The following RTKN2 variants were observed in gnomAD, a reference collection of about 807,000 sequenced individuals.
RTKN2 encodes the protein rhotekin 2.
Under a neutral mutation model 71.5 loss-of-function variants are expected in RTKN2, and 69 were observed. That is an observed-to-expected ratio of 0.96 (90% CI 0.79 to 1.18). The LOEUF is 1.18. Ranked by LOEUF, RTKN2 falls within the 50% of genes most tolerant of loss-of-function variation. RTKN2 has a pLI of 0.00. For missense variants in RTKN2, 724 were observed against 719.7 expected (o/e 1.01, Z -0.07); for synonymous variants, 236 against 236.5 (o/e 1.00, Z 0.02).
intron 1 of RTKN2, among the ~76,000 whole-genome samples, chr10:62,266,146 T>A (rs1280865790): frequency 6.6e-6 from 1 of 152,252 alleles, no homozygotes; most frequent in East Asian, 1.9e-4. Context: ...GTAGTTAAAG[T>A]CAGGCTGATA....
Position 62,244,665 on chromosome 10 carries a change from A to G in RTKN2, c.316+1334T>C, listed in dbSNP as rs145233713. 3.5e-3 allele frequency among the ~76,000 whole-genome samples: 533 copies of G among 152,296 alleles called. 2 individuals are homozygous for G. Among genetic ancestry groups the G allele is most frequent in the African/African-American group, 0.011 (450 of 41,572 alleles). On this transcript the variant is annotated intron_variant, in intron 3 of 11. Transcript: ENST00000373789. The stretch of plus-strand genomic sequence containing the variant: ...TATTCACAAAAAATTTATTGCACAT[A>G]ATGAACAATACCACATAAAAATACA...
intron 2 of RTKN2, among the ~76,000 whole-genome samples, chr10:62,254,788 A>T (rs900814542): frequency 1.3e-5 from 2 of 152,024 alleles, no homozygotes; most frequent in Non-Finnish European, 2.9e-5. Flanking sequence ...AAATAAAAAA[A>T]TAAGCAAGCT....
intron 3 of RTKN2, among the ~76,000 whole-genome samples, chr10:62,241,784 C>T (rs560362894): frequency 9.7e-4 from 148 of 152,186 alleles, no homozygotes; most frequent in African/African-American, 3.1e-3. Flanking sequence ...CTGCAACCTC[C>T]GCCTCCTGGG....
At chr10:62,184,295 A>G (rs1223541257) in exon 9 of RTKN2, 13 of 1,432,122 alleles carry the variant, frequency 9.1e-6, no homozygotes, top group Non-Finnish European at 1.0e-5. Context: ...AATTTTTCAC[A>G]CTGGTTCTAA....
intron 2 of RTKN2, among the ~76,000 whole-genome samples, chr10:62,255,899 C>T (rs1842665504): frequency 6.6e-6 from 1 of 152,288 alleles, no homozygotes; most frequent in Admixed American, 6.5e-5. Flanking sequence ...AGCCTTTAGA[C>T]TCAATGTCCA....
downstream of RTKN2, among the ~76,000 whole-genome samples, chr10:62,191,456 C>T (rs539387691): frequency 1.3e-5 from 2 of 152,254 alleles, no homozygotes; most frequent in East Asian, 1.9e-4. Flanking sequence ...TAACTCAATC[C>T]GTCACAGATC....
At position 62,196,815 on chromosome 10, in the gene RTKN2, G is replaced by A. The variant is rs2132784899; in HGVS notation, c.*1093C>T. The A allele has an allele frequency of 6.2e-6, 6 of 974,396 alleles. No homozygotes were observed. The highest frequency in any genetic ancestry group is 7.3e-6 in the Non-Finnish European group (6 of 820,010). 60.4% of individuals were successfully genotyped at this position (974,396 alleles called of 1,614,324 possible). A position where few individuals can be genotyped will look rare whatever the true frequency, so the allele number is the denominator to read the frequency against. On this transcript the variant is annotated 3_prime_UTR_variant, in exon 12 of 12. Transcript: ENST00000373789. ...TACAAAAAGCATTATTATAAAAAAT[G>A]GATTTTTTGTTCCTTTAAGGTATTT...
In RTKN2 at chr10:62,197,701, G is replaced by A; in HGVS notation, c.*207C>T. On this transcript the variant is annotated 3_prime_UTR_variant, in exon 12 of 12. Coordinates refer to ENST00000373789, the MANE Select transcript of RTKN2 (RefSeq NM_145307.4). ...GTCTAGAAACTGCCTCTTGCACACT[G>A]CTGGAGAAATCACTTACATTCTGCA... 1.4e-6 allele frequency: 2 copies of A among 1,393,144 alleles called. No individual in the cohort carries two copies. The highest frequency in any genetic ancestry group is 9.3e-7 in the Non-Finnish European group (1 of 1,079,194). The allele number at this position is 1,393,144 out of a possible 1,614,324, so 86.3% of individuals were successfully genotyped here. A position where few individuals can be genotyped will look rare whatever the true frequency, so the allele number is the denominator to read the frequency against.
rs1841329406 is a variant in RTKN2 at position 62,196,256 on chromosome 10, C to T, written c.*1652G>A. ...CAATCATAACAGAAACTTATGAGAGCCTTCTAGTTAGAAAAAATAAGTTTA... is the reference window on the plus strand; with the variant it reads ...CAATCATAACAGAAACTTATGAGAGTCTTCTAGTTAGAAAAAATAAGTTTA... On this transcript the variant is annotated 3_prime_UTR_variant, in exon 12 of 12. Transcript: ENST00000373789. 3.1e-6 allele frequency: 3 copies of T among 973,092 alleles called. No individual in the cohort carries two copies. Among genetic ancestry groups the T allele is most frequent in the Non-Finnish European group, 3.7e-6 (3 of 818,836 alleles). 60.3% of individuals were successfully genotyped at this position (973,092 alleles called of 1,614,324 possible).
chr10:62,223,208 T>C (rs757854213), intron 7 of RTKN2, 30 bp downstream of exon 7: 11 of 1,246,382 alleles, frequency 8.8e-6, no homozygotes, highest in South Asian at 6.3e-5. Flanking sequence ...ACAGAATATA[T>C]GTAATAAGTA....
rs113810351 is a variant in RTKN2, at chr10:62,215,084, A to T, written c.1020+2034T>A. On this transcript the variant is annotated intron_variant, in intron 9 of 11. Coordinates refer to ENST00000373789, the MANE Select transcript of RTKN2 (RefSeq NM_145307.4). ...TCCTTCGAGACTGTCTTCAAATAAA[A>T]CTAATGACTTCAAAAATATCATTTG... 6,748 of 1,505,848 alleles carry T rather than the reference A, an allele frequency of 4.5e-3. 19 individuals carry two copies. Among genetic ancestry groups the T allele is most frequent in the Non-Finnish European group, 5.6e-3 (6,194 of 1,111,414 alleles). 93.3% of individuals were successfully genotyped at this position (1,505,848 alleles called of 1,614,324 possible). A position where few individuals can be genotyped will look rare whatever the true frequency, so the allele number is the denominator to read the frequency against.
At chr10:62,263,385 G>A (rs1463370193) in intron 1 of RTKN2, among the ~76,000 whole-genome samples, 1 of 152,312 alleles carries the variant, frequency 6.6e-6, no homozygotes, top group African/African-American at 2.4e-5. Context: ...CCTAGGGCCT[G>A]CAGAGGAGCA....
chr10:62,241,190 G>T lies in RTKN2; in HGVS notation c.322C>A (p.Arg108=). ...CKGKIAISDI[R]IPLMWKDSDH... is the part of the protein sequence containing the mutation. ...GAGTCTTTCCACATTAGTGGTATTC[G>T]AATATCTATAAAGAAGGGAAAAAGA... Residue 108 remains arginine (R), a synonymous_variant, in exon 4 of 12, where the codon CGA becomes AGA. Coordinates refer to ENST00000373789, the MANE Select transcript of RTKN2 (RefSeq NM_145307.4). The T allele has an allele frequency of 6.4e-7, 1 of 1,558,976 alleles. No homozygotes were observed. The highest frequency in any genetic ancestry group is 8.8e-7 in the Non-Finnish European group (1 of 1,138,672).
chr10:62,235,686 G>GTGTGTGTGTGTGTGTGTA (rs35595937), intron 6 of RTKN2, among the ~76,000 whole-genome samples: 51 of 150,968 alleles, frequency 3.4e-4, no homozygotes, highest in African/African-American at 1.2e-3. Context: ...GTGTGTGTGT[G>GTGTGTGTGTGTGTGTGTA]TGTATACATG....
intron 3 of RTKN2, among the ~76,000 whole-genome samples, chr10:62,242,013 CTTT>C (rs34782333): frequency 0.015 from 1,954 of 132,936 alleles, 52 homozygotes; most frequent in African/African-American, 0.049. Context: ...AATTATTATA[CTTT>C]TTTTTTTTTT....
At chr10:62,267,420 A>G (rs1842886279) in intron 1 of RTKN2, among the ~76,000 whole-genome samples, 1 of 152,206 alleles carries the variant, frequency 6.6e-6, no homozygotes, top group Admixed American at 6.5e-5. Flanking sequence ...TAGAATGGCA[A>G]TTCACTATAA....
In RTKN2 at chr10:62,262,624, C is replaced by A; in HGVS notation, c.257+1G>T. 6.3e-7 allele frequency: 1 copy of A among 1,591,508 alleles called. No homozygotes were observed. Among genetic ancestry groups the A allele is most frequent in the Non-Finnish European group, 8.6e-7 (1 of 1,164,538 alleles). ...AGCCACAGGTAAACTATGTTACTAA[C>A]CATCTTCCAGTCTGATTTGCAATCT... is the stretch of plus-strand genomic sequence containing the variant. On this transcript the variant is annotated splice_donor_variant, in intron 2 of 11. Coordinates refer to ENST00000373789, the MANE Select transcript of RTKN2 (RefSeq NM_145307.4). LOFTEE classifies it high-confidence loss of function.
intron 6 of RTKN2, among the ~76,000 whole-genome samples, chr10:62,228,653 G>T (rs751669887): frequency 1.3e-5 from 2 of 152,180 alleles, no homozygotes; most frequent in Non-Finnish European, 2.9e-5. Flanking sequence ...CCGTACTAAA[G>T]TTGGTGATGT....
In RTKN2 at chr10:62,197,667, TAGGA is replaced by T; in HGVS notation, c.*237_*240del. On this transcript the variant is annotated 3_prime_UTR_variant, in exon 12 of 12. Transcript: ENST00000373789. The stretch of plus-strand genomic sequence containing the variant: ...GGAATAAATTAACCCTTCCAACAAT[TAGGA>T]TATTGTCTAGAAACTGCCTCTTGCA... 7.7e-7 allele frequency: 1 copy of T among 1,301,192 alleles called. No homozygotes were observed. The highest frequency in any genetic ancestry group is 9.7e-7 in the Non-Finnish European group (1 of 1,027,186). 80.6% of individuals were successfully genotyped at this position (1,301,192 alleles called of 1,614,324 possible). A position where few individuals can be genotyped will look rare whatever the true frequency, so the allele number is the denominator to read the frequency against.
Sources: allele counts gnomAD v4.1 joint callset (sites outside exome capture counted in the v4.1 genomes callset), GRCh38; gene constraint gnomAD v4.1.1; transcripts MANE v1.5; gene names NCBI Gene and HGNC (gene_info 2026-07-23, HGNC 2026-07-21).